Variants in RBMS3 observed in about 807,000 individuals in gnomAD.
RBMS3 encodes RNA-binding motif, single-stranded-interacting protein 3.
RBMS3 carries 27 observed loss-of-function variants against 66.8 expected under a neutral mutation model. That is an observed-to-expected ratio of 0.40 (90% CI 0.30 to 0.56). The LOEUF (loss-of-function observed/expected upper bound fraction) is 0.56, where lower values mean the gene tolerates loss of function less well. Among genes scored for constraint, RBMS3 ranks in the 20% least tolerant of loss-of-function variants. The pLI, the probability that RBMS3 is intolerant of heterozygous loss-of-function variation, is 0.40. For synonymous variants in RBMS3, 188 were observed against 183.0 expected, an observed-to-expected ratio of 1.03 and a Z score of -0.22; for missense variants, 513 against 549.5, an observed-to-expected ratio of 0.93 and a Z score of 0.66.
chr3:29,809,460 A>G (rs550682624), intron 6 of RBMS3, among the ~76,000 whole-genome samples: 1 of 152,080 alleles, frequency 6.6e-6, no homozygotes, highest in East Asian at 1.9e-4. Context: ...ATGTATGTAT[A>G]TCTTTTTATT....
rs182228981 is a variant in RBMS3, at chr3:29,337,975, A to T, written c.75+56219A>T. Among the ~76,000 whole-genome samples the T allele has an allele frequency of 2.5e-4, 38 of 152,298 alleles. No individual in the cohort carries two copies. In the East Asian group the frequency reaches 6.6e-3, roughly 26 times the overall value. On this transcript the variant is annotated intron_variant, in intron 1 of 14. Transcript: ENST00000383767. ...ACCTTATAACCTTGGCTAGAATGGT[A>T]TAAATGGAAGGGACTCATCTATTTT...
chr3:29,781,086 G>T (rs376205247), intron 6 of RBMS3, among the ~76,000 whole-genome samples: 1 of 151,092 alleles, frequency 6.6e-6, no homozygotes, highest in Admixed American at 6.6e-5. Flanking sequence ...TTTAGCATTA[G>T]GTATGTCTCC....
chr3:29,878,373 A>G (rs116378520), intron 7 of RBMS3, among the ~76,000 whole-genome samples: 3,834 of 152,166 alleles, frequency 0.025, 74 homozygotes, highest in Admixed American at 0.033. Context: ...TTTTAGTATC[A>G]CATAGGAGAC....
At chr3:29,502,539 T>G (rs2044014990) in intron 3 of RBMS3, among the ~76,000 whole-genome samples, 2 of 152,150 alleles carry the variant, frequency 1.3e-5, no homozygotes, top group Non-Finnish European at 2.9e-5. Context: ...CATCCCACTA[T>G]AAACAGTATC....
At chr3:29,737,831 AGTGTGTGTGTGTGTGTGT>A (rs3070725) in intron 4 of RBMS3, among the ~76,000 whole-genome samples, 3 of 145,756 alleles carry the variant, frequency 2.1e-5, no homozygotes, top group Non-Finnish European at 4.5e-5. Context: ...GTGATAGTGG[AGTGTGTGTGTGTGTGTGT>A]GTGTGTGTGT....
intron 11 of RBMS3, among the ~76,000 whole-genome samples, chr3:29,942,180 G>GA (rs1406255125): frequency 2.6e-5 from 4 of 151,718 alleles, no homozygotes; most frequent in Non-Finnish European, 5.9e-5. Context: ...GAAATCGTAA[G>GA]AGAAATAATT....
chr3:29,352,504 T>C (rs1029691702), intron 1 of RBMS3, among the ~76,000 whole-genome samples: 2 of 152,122 alleles, frequency 1.3e-5, no homozygotes, highest in Non-Finnish European at 2.9e-5. Context: ...CATGTGATAT[T>C]TTGTTACATG....
At position 29,395,851 on chromosome 3, in the gene RBMS3, C is replaced by G. The variant is rs571386416; in HGVS notation, c.76-38892C>G. Among the ~76,000 whole-genome samples, 4 of 152,192 alleles carry G rather than the reference C, an allele frequency of 2.6e-5. No individual in the cohort carries two copies. In the South Asian group the frequency reaches 8.3e-4, roughly 32 times the overall value. ...TTTTCTGCTCCAACTTGGCTTCCCA[C>G]ATAAATAATGAAACATATAATAGGG... On this transcript the variant is annotated intron_variant, in intron 1 of 14. Transcript: ENST00000383767.
At chr3:29,592,783 A>G (rs2047792793) in intron 4 of RBMS3, among the ~76,000 whole-genome samples, 1 of 152,108 alleles carries the variant, frequency 6.6e-6, no homozygotes, top group Non-Finnish European at 1.5e-5. Context: ...GATAGACTGG[A>G]TTAAGAAAAT....
At chr3:29,528,454 A>G (rs1237642134) in intron 3 of RBMS3, among the ~76,000 whole-genome samples, 1 of 152,150 alleles carries the variant, frequency 6.6e-6, no homozygotes, top group Non-Finnish European at 1.5e-5. Flanking sequence ...TAAGTGCTAT[A>G]TGTAGTACTA....
chr3:29,475,643 A>G (rs2042921672), intron 2 of RBMS3, among the ~76,000 whole-genome samples: 1 of 152,174 alleles, frequency 6.6e-6, no homozygotes, highest in Non-Finnish European at 1.5e-5. Context: ...TTTACCGTAT[A>G]TCTACTAGAC....
At chr3:29,719,980 T>C (rs2053573361) in intron 4 of RBMS3, among the ~76,000 whole-genome samples, 1 of 152,092 alleles carries the variant, frequency 6.6e-6, no homozygotes, top group South Asian at 2.1e-4. Flanking sequence ...CCACTTAAAT[T>C]CATCAATGTC....
rs1699876950 is a variant in RBMS3 at position 30,008,806 on chromosome 3, C to T, written c.*4944C>T. ...TAAGTATGAAATTGGTCCTTTAATC[C>T]AAATGCTCTTGGTCATGGCTGTCCT... On this transcript the variant is annotated 3_prime_UTR_variant, in exon 15 of 15. Coordinates refer to ENST00000383767, the MANE Select transcript of RBMS3 (RefSeq NM_001003793.3). 1 of 152,024 alleles carries T rather than the reference C, an allele frequency of 6.6e-6. No individual in the cohort carries two copies. The highest frequency in any genetic ancestry group is 1.5e-5 in the Non-Finnish European group (1 of 67,954). The allele number at this position is 152,024 out of a possible 1,614,324, so 9.4% of individuals were successfully genotyped here.
chr3:29,696,695 CAGAT>C lies in RBMS3; in HGVS notation c.400-43024_400-43021del, dbSNP rs564692042. On this transcript the variant is annotated intron_variant, in intron 4 of 14. Transcript: ENST00000383767. ...GTTTTAGCTCTTGCTCCCCAAGGAG[CAGAT>C]GCTTCTGGGGAGGTTCAGGAGCACG... Among the ~76,000 whole-genome samples the C allele has an allele frequency of 6.6e-5, 10 of 152,262 alleles. No homozygotes were observed. The South Asian group carries it at 1.9e-3, about 28-fold the overall frequency.
chr3:29,941,231 T>G (rs1352034414), intron 11 of RBMS3, among the ~76,000 whole-genome samples: 2 of 151,932 alleles, frequency 1.3e-5, no homozygotes, highest in East Asian at 3.9e-4. Flanking sequence ...TCCCCACAGT[T>G]CTCTAGCATT....
chr3:29,660,989 G>A lies in RBMS3; in HGVS notation c.399+73784G>A, dbSNP rs539350652. 1.2e-4 allele frequency among the ~76,000 whole-genome samples: 19 copies of A among 152,320 alleles called. 1 individual carries two copies. The South Asian group carries it at 3.1e-3, about 25-fold the overall frequency. ...TCAGCAATCAGTGCACGGATACCCA[G>A]TATTTGGAGTACGTGATCCTTTTTG... is the stretch of plus-strand genomic sequence containing the variant. On this transcript the variant is annotated intron_variant, in intron 4 of 14. Transcript: ENST00000383767.
chr3:29,529,565 A>T (rs952130932), intron 3 of RBMS3, among the ~76,000 whole-genome samples: 1 of 152,220 alleles, frequency 6.6e-6, no homozygotes, highest in African/African-American at 2.4e-5. Context: ...AAACTCAGAT[A>T]TACATAGAGT....
intron 2 of RBMS3, among the ~76,000 whole-genome samples, chr3:29,441,762 A>G (rs902356933): frequency 4.6e-5 from 7 of 152,172 alleles, no homozygotes; most frequent in African/African-American, 1.7e-4. Flanking sequence ...AAGCCTGCTC[A>G]GATAATTCTA....
intron 12 of RBMS3, among the ~76,000 whole-genome samples, chr3:29,964,534 T>A (rs1231948375): frequency 6.6e-6 from 1 of 152,188 alleles, no homozygotes; most frequent in Non-Finnish European, 1.5e-5. Context: ...TTCTAAAAAC[T>A]TTCTTTTTCT....
Sources: allele counts gnomAD v4.1 joint callset (sites outside exome capture counted in the v4.1 genomes callset), GRCh38; gene constraint gnomAD v4.1.1; transcripts MANE v1.5; gene names NCBI Gene and HGNC (gene_info 2026-07-23, HGNC 2026-07-21).